The following TESK2 variants were observed in gnomAD, a reference collection of about 807,000 sequenced individuals.
TESK2 encodes testis associated actin remodelling kinase 2.
A neutral mutation model predicts 57.1 loss-of-function variants in TESK2; 39 were observed. That is an observed-to-expected ratio of 0.68 (90% CI 0.53 to 0.89). The LOEUF is 0.89. Among genes scored for constraint, TESK2 ranks in the 40% least tolerant of loss-of-function variants. The pLI, the probability that TESK2 is intolerant of heterozygous loss-of-function variation, is 0.00. For missense variants in TESK2, 646 were observed against 732.1 expected, an observed-to-expected ratio of 0.88 and a Z score of 1.36; for synonymous variants, 249 against 267.9, an observed-to-expected ratio of 0.93 and a Z score of 0.69.
At chr1:45,440,559 TA>T (rs1279119826) in intron 2 of TESK2, among the ~76,000 whole-genome samples, 2 of 151,434 alleles carry the variant, frequency 1.3e-5, no homozygotes, top group East Asian at 3.9e-4. Flanking sequence ...ACTAAAAATA[TA>T]AAAAAATTAG....
At chr1:45,405,886 C>T (rs535132973) in intron 3 of TESK2, among the ~76,000 whole-genome samples, 1 of 150,888 alleles carries the variant, frequency 6.6e-6, no homozygotes, top group African/African-American at 2.4e-5. Flanking sequence ...AAAAAAATCT[C>T]TATTTTTTCT....
intron 1 of TESK2, among the ~76,000 whole-genome samples, chr1:45,478,155 T>C (rs188620723): frequency 2.0e-5 from 3 of 152,318 alleles, no homozygotes; most frequent in Admixed American, 1.3e-4. Flanking sequence ...AGAATTGCTA[T>C]ATTTGTAGAG....
chr1:45,399,365 A>G (rs1424188330), intron 3 of TESK2, among the ~76,000 whole-genome samples: 1 of 151,570 alleles, frequency 6.6e-6, no homozygotes, highest in Non-Finnish European at 1.5e-5. Flanking sequence ...CCCAGGCTAG[A>G]GTGAAGTGGC....
At chr1:45,462,865 C>T (rs1652391150) in intron 1 of TESK2, among the ~76,000 whole-genome samples, 1 of 152,176 alleles carries the variant, frequency 6.6e-6, no homozygotes, top group Non-Finnish European at 1.5e-5. Context: ...CAATAGTGAA[C>T]GAGGGTTCCC....
chr1:45,396,890 C>A (rs888703487), intron 3 of TESK2, among the ~76,000 whole-genome samples: 10 of 139,462 alleles, frequency 7.2e-5, no homozygotes, highest in African/African-American at 2.7e-4. Context: ...ACAATCTTGG[C>A]TCACTGCAAC....
chr1:45,458,046 T>C (rs1377910126), intron 1 of TESK2, among the ~76,000 whole-genome samples, 175 bp from the exon 2 acceptor site: 1 of 152,230 alleles, frequency 6.6e-6, no homozygotes, highest in African/African-American at 2.4e-5. Flanking sequence ...GCCCAAGATA[T>C]AGTCAGTCTT....
At chr1:45,375,439 T>TTTTTG (rs771956133) in intron 4 of TESK2, among the ~76,000 whole-genome samples, 2 of 150,746 alleles carry the variant, frequency 1.3e-5, no homozygotes, top group African/African-American at 2.4e-5. Flanking sequence ...TTTTTTTTTT[T>TTTTTG]GTGAGCCACT....
intron 3 of TESK2, among the ~76,000 whole-genome samples, chr1:45,391,454 G>A (rs1649141971): frequency 6.6e-6 from 1 of 152,090 alleles, no homozygotes; most frequent in Non-Finnish European, 1.5e-5. Flanking sequence ...TTTGTGTCAA[G>A]CAATCCTCCT....
chr1:45,438,525 CTTT>C (rs1257742542), intron 2 of TESK2, among the ~76,000 whole-genome samples: 2 of 152,090 alleles, frequency 1.3e-5, no homozygotes, highest in African/African-American at 4.8e-5. Context: ...GATGAAGACA[CTTT>C]TTTAAGTTTT....
chr1:45,372,809 C>T (rs1329652147), intron 4 of TESK2, among the ~76,000 whole-genome samples: 6 of 151,340 alleles, frequency 4.0e-5, no homozygotes, highest in Non-Finnish European at 7.4e-5. Flanking sequence ...GAGGCTGAGA[C>T]GGGTGGATCA....
intron 3 of TESK2, among the ~76,000 whole-genome samples, chr1:45,408,819 C>A (rs1210755082): frequency 6.6e-6 from 1 of 152,140 alleles, no homozygotes; most frequent in Admixed American, 6.5e-5. Context: ...ACTATCCCCC[C>A]ATCTCCTCTT....
At chr1:45,441,168 T>C (rs1651428534) in intron 2 of TESK2, among the ~76,000 whole-genome samples, 1 of 152,174 alleles carries the variant, frequency 6.6e-6, no homozygotes, top group African/African-American at 2.4e-5. Context: ...GTAATTTTGT[T>C]TTTTTGTTTG....
chr1:45,355,279 G>C (rs777737840), intron 5 of TESK2, 24 bp downstream of exon 5: 1 of 1,611,472 alleles, frequency 6.2e-7, no homozygotes, highest in Admixed American at 1.7e-5. Flanking sequence ...CTCTCAATGA[G>C]TTGTGAGAGT....
chr1:45,385,846 TA>T, intron 4 of TESK2, 65 bp downstream of exon 4: 1 of 1,214,038 alleles, frequency 8.2e-7, no homozygotes, highest in Non-Finnish European at 1.2e-6. Context: ...AAGCAACACT[TA>T]CTATGGAACT....
rs75926452 is a variant in TESK2 at position 45,474,470 on chromosome 1, T to A, written c.-87+16382A>T. On this transcript the variant is annotated intron_variant, in intron 1 of 10. Transcript: ENST00000372086. ...AGCAAGACCCCATCTCTTTTTTTTT[T>A]ATTGTATTTATTTATTTTTTGAGAC... Among the ~76,000 whole-genome samples, 41 of 152,042 alleles carry A rather than the reference T, an allele frequency of 2.7e-4. No individual in the cohort carries two copies. The East Asian group carries it at 4.1e-3, about 15-fold the overall frequency.
At chr1:45,373,179 C>T (rs552617754) in intron 4 of TESK2, among the ~76,000 whole-genome samples, 38 of 152,230 alleles carry the variant, frequency 2.5e-4, no homozygotes, top group Non-Finnish European at 5.0e-4. Flanking sequence ...CAGGACCACT[C>T]CAGCTGGCAA....
Position 45,348,851 on chromosome 1 carries a change from T to C in TESK2, c.541-851A>G, listed in dbSNP as rs577113155. 3.3e-5 allele frequency among the ~76,000 whole-genome samples: 5 copies of C among 152,214 alleles called. No individual in the cohort carries two copies. The South Asian group carries it at 1.0e-3, about 32-fold the overall frequency. On this transcript the variant is annotated intron_variant, in intron 5 of 10. Coordinates refer to ENST00000372086, the MANE Select transcript of TESK2 (RefSeq NM_007170.3). The stretch of plus-strand genomic sequence containing the variant: ...TGAACCCCTCAGGAGCAAGTTCTGG[T>C]TTGCCTTCCTTCCTCACAGCTTTCA...
chr1:45,408,343 A>T (rs978948253), intron 3 of TESK2, among the ~76,000 whole-genome samples: 13 of 151,988 alleles, frequency 8.6e-5, no homozygotes, highest in South Asian at 6.2e-4. Flanking sequence ...ATTTTTTTTT[A>T]AATTTTTTCC....
At chr1:45,442,257 G>A (rs1192871363) in intron 2 of TESK2, among the ~76,000 whole-genome samples, 4 of 151,972 alleles carry the variant, frequency 2.6e-5, no homozygotes, top group Non-Finnish European at 5.9e-5. Flanking sequence ...TTTTTAAAGA[G>A]AGACTTTTAT....
Sources: allele counts gnomAD v4.1 joint callset (sites outside exome capture counted in the v4.1 genomes callset), GRCh38; gene constraint gnomAD v4.1.1; transcripts MANE v1.5; gene names NCBI Gene and HGNC (gene_info 2026-07-23, HGNC 2026-07-21).